The following IGFL1 variants were observed in gnomAD, a reference collection of about 807,000 sequenced individuals.
IGFL1 encodes the protein insulin growth factor-like family member 1.
Under a neutral mutation model 16.0 loss-of-function variants are expected in IGFL1, and 16 were observed. That is an observed-to-expected ratio of 1.00 (90% CI 0.68 to 1.52). The LOEUF is 1.52. Among genes scored for constraint, IGFL1 ranks in the 40% most tolerant of loss-of-function variants. The probability of loss-of-function intolerance (pLI) is 0.00; values close to 1 mark genes in which losing one functional copy is unlikely to be tolerated. For missense variants in IGFL1, 149 were observed against 141.7 expected, an observed-to-expected ratio of 1.05 and a Z score of -0.26; for synonymous variants, 59 against 54.0, an observed-to-expected ratio of 1.09 and a Z score of -0.41.
chr19:46,231,002 G>A lies in IGFL1; in HGVS notation c.*172G>A. On this transcript the variant is annotated 3_prime_UTR_variant, in exon 4 of 4. Coordinates refer to ENST00000437936, the MANE Select transcript of IGFL1 (RefSeq NM_198541.2). ...CCTGTCTGAGGCCCACCCTGCAGCT[G>A]CCCTGAGGAGGCCCACAGGTCCCCT... The A allele has an allele frequency of 2.9e-6, 2 of 694,410 alleles. No individual in the cohort carries two copies. Among genetic ancestry groups the A allele is most frequent in the South Asian group, 3.3e-5 (2 of 60,390 alleles). 43.0% of individuals were successfully genotyped at this position (694,410 alleles called of 1,614,324 possible).
At position 46,230,479 on chromosome 19, in the gene IGFL1, C is replaced by T. The variant is rs370059487; in HGVS notation, c.285C>T (p.Cys95=). The T allele has an allele frequency of 2.2e-5, 36 of 1,614,012 alleles. No individual in the cohort carries two copies. The highest frequency in any genetic ancestry group is 1.6e-4 in the Middle Eastern group (1 of 6,062). Residue 95 remains cysteine (C), a synonymous_variant, in exon 3 of 4, where the codon TGC becomes TGT. Transcript: ENST00000437936. ...TFMVKLINQN[C]DSARTSDDRL... ...TGGTGAAGCTGATAAACCAGAACTG[C>T]GACTCAGCCCGGACCTCGGATGACA...
chr19:46,229,905 C>T (rs969677228), intron 1 of IGFL1, 106 bp downstream of exon 1: 13 of 1,369,046 alleles, frequency 9.5e-6, no homozygotes, highest in Non-Finnish European at 1.3e-5. Flanking sequence ...TTCCCATGCC[C>T]AGCCAAATCT....
At position 46,230,506 on chromosome 19, in the gene IGFL1, G is replaced by T. The variant is rs1316198007; in HGVS notation, c.312G>T (p.Arg104Ser). ...ACTCAGCCCGGACCTCGGATGACAG[G>T]CTTTGTCGCAGGTGAGTCCTGTCCC... is the stretch of plus-strand genomic sequence containing the variant. ...NCDSARTSDD[R>S]LCRSVS The change falls in exon 3 of 4, where the codon AGG becomes AGT. Residue 104 changes from arginine to serine, a missense_variant. Arg to Ser is a moderately radical substitution (Grantham distance 110). Transcript: ENST00000437936. The T allele has an allele frequency of 6.2e-7, 1 of 1,613,874 alleles. No individual in the cohort carries two copies. Among genetic ancestry groups the T allele is most frequent in the South Asian group, 1.1e-5 (1 of 91,074 alleles).
intron 1 of IGFL1, 145 bp from the exon 2 acceptor site, chr19:46,229,963 C>G: frequency 8.3e-7 from 1 of 1,203,918 alleles, no homozygotes; most frequent in Non-Finnish European, 1.2e-6. Flanking sequence ...GTGCCCAGAT[C>G]AGCCCCATCC....
chr19:46,229,870 T>C lies in IGFL1; in HGVS notation c.25+71T>C. On this transcript the variant is annotated intron_variant, in intron 1 of 3. Transcript: ENST00000437936. ...TCAGCCACCACCAGGGCTCTCTCCC[T>C]ACCCCAAACTACACCTCATCCCTGT... 3.3e-6 allele frequency: 5 copies of C among 1,495,676 alleles called. No individual in the cohort carries two copies. The South Asian group carries it at 6.0e-5, about 18-fold the overall frequency. 92.7% of individuals were successfully genotyped at this position (1,495,676 alleles called of 1,614,324 possible). A position where few individuals can be genotyped will look rare whatever the true frequency, so the allele number is the denominator to read the frequency against.
chr19:46,230,377 G>T lies in IGFL1; in HGVS notation c.183G>T (p.Val61=), dbSNP rs752917913. ...ACTGTTGCTATGATGATGCCGTCGT[G>T]CCCTTGGCCAGGACCCAGACGTGTG... ...LQHCCYDDAV[V]PLARTQTCGN... Residue 61 remains valine, a synonymous_variant, in exon 3 of 4, where the codon GTG becomes GTT. Coordinates refer to ENST00000437936, the MANE Select transcript of IGFL1 (RefSeq NM_198541.2). The T allele has an allele frequency of 6.2e-7, 1 of 1,613,986 alleles. No individual in the cohort carries two copies. The highest frequency in any genetic ancestry group is 1.1e-5 in the South Asian group (1 of 91,084).
Position 46,230,522 on chromosome 19 carries a change from G to C in IGFL1, c.323+5G>C. The C allele has an allele frequency of 6.2e-7, 1 of 1,613,146 alleles. No homozygotes were observed. The highest frequency in any genetic ancestry group is 2.2e-5 in the East Asian group (1 of 44,864). ...GGATGACAGGCTTTGTCGCAGGTGA[G>C]TCCTGTCCCCTCCGTGGGATTGTGG... On this transcript the variant is annotated splice_donor_5th_base_variant and intron_variant, in intron 3 of 3. Transcript: ENST00000437936.
chr19:46,230,753 G>A, intron 3 of IGFL1, 68 bp from the exon 4 acceptor site: 1 of 1,558,686 alleles, frequency 6.4e-7, no homozygotes, highest in Non-Finnish European at 8.8e-7. Context: ...TTCTGCCCAT[G>A]TTCAGTCTCG....
chr19:46,231,147 C>T lies in IGFL1; in HGVS notation c.*317C>T. ...ACCACCCCAAGGCTGGCTGGGGAAC[C>T]CTTCACCCTTCTGTGAGATTTTCCA... On this transcript the variant is annotated 3_prime_UTR_variant, in exon 4 of 4. Coordinates refer to ENST00000437936, the MANE Select transcript of IGFL1 (RefSeq NM_198541.2). The T allele has an allele frequency of 2.1e-6, 1 of 476,250 alleles. No homozygotes were observed. Among genetic ancestry groups the T allele is most frequent in the Non-Finnish European group, 3.8e-6 (1 of 261,628 alleles). The allele number at this position is 476,250 out of a possible 1,614,324, so 29.5% of individuals were successfully genotyped here.
At chr19:46,229,918 A>G in intron 1 of IGFL1, 119 bp downstream of exon 1, 2 of 1,302,802 alleles carry the variant, frequency 1.5e-6, no homozygotes, top group Non-Finnish European at 2.2e-6. Context: ...CCAAATCTCC[A>G]GGCGTGAATT....
rs754018430 is a variant in IGFL1, at chr19:46,230,489, C to T, written c.295C>T (p.Arg99Trp). ...KLINQNCDSA[R>W]TSDDRLCRSV... ...GATAAACCAGAACTGCGACTCAGCCCGGACCTCGGATGACAGGCTTTGTCG... is the reference window on the plus strand; with the variant it reads ...GATAAACCAGAACTGCGACTCAGCCTGGACCTCGGATGACAGGCTTTGTCG... Residue 99 changes from arginine to tryptophan, a missense_variant, in exon 3 of 4, where the codon CGG becomes TGG. Transcript: ENST00000437936. 54 of 1,613,856 alleles carry T rather than the reference C, an allele frequency of 3.3e-5. No individual in the cohort carries two copies. Among genetic ancestry groups the T allele is most frequent in the South Asian group, 1.1e-4 (10 of 91,084 alleles).
rs760931842 is a variant in IGFL1 at position 46,230,480 on chromosome 19, G to A, written c.286G>A (p.Asp96Asn). 5.0e-6 allele frequency: 8 copies of A among 1,613,870 alleles called. No individual in the cohort carries two copies. In the Admixed American group the frequency reaches 5.0e-5, roughly 10 times the overall value. ...FMVKLINQNC[D>N]SARTSDDRLC... ...GGTGAAGCTGATAAACCAGAACTGC[G>A]ACTCAGCCCGGACCTCGGATGACAG... The change falls in exon 3 of 4, where the codon GAC becomes AAC. Residue 96 changes from aspartate to asparagine, a missense_variant. Asp to Asn is a conservative substitution (Grantham distance 23). Transcript: ENST00000437936.
chr19:46,230,188 G>A, intron 2 of IGFL1, 27 bp downstream of exon 2: 2 of 1,613,846 alleles, frequency 1.2e-6, no homozygotes, highest in Non-Finnish European at 8.5e-7. Context: ...TTGGGAAGCT[G>A]GAGGAGGGGT....
rs752697487 is a variant in IGFL1, at chr19:46,230,817, C to T, written c.324-4C>T. 4.3e-6 allele frequency: 7 copies of T among 1,611,878 alleles called. No individual in the cohort carries two copies. On this transcript the variant is annotated splice_polypyrimidine_tract_variant and splice_region_variant and intron_variant, in intron 3 of 3. Coordinates refer to ENST00000437936, the MANE Select transcript of IGFL1 (RefSeq NM_198541.2). ...TCAGTGTCTCTCTCTGTCACTATCT[C>T]CAGTGTCAGCTAATGGAACATCAGG...
chr19:46,230,905 G>C lies in IGFL1; in HGVS notation c.*75G>C. The C allele has an allele frequency of 7.0e-7, 1 of 1,431,948 alleles. No individual in the cohort carries two copies. Among genetic ancestry groups the C allele is most frequent in the South Asian group, 1.2e-5 (1 of 82,796 alleles). The allele number at this position is 1,431,948 out of a possible 1,614,324, so 88.7% of individuals were successfully genotyped here. A position where few individuals can be genotyped will look rare whatever the true frequency, so the allele number is the denominator to read the frequency against. On this transcript the variant is annotated 3_prime_UTR_variant, in exon 4 of 4. Transcript: ENST00000437936. Reference sequence around the variant, plus strand: ...CTGGAGAAAGAGGCTGGTGTTACCTGAGATCTGGGATGCTGAGTGGCTGTT... The same window carrying C: ...CTGGAGAAAGAGGCTGGTGTTACCTCAGATCTGGGATGCTGAGTGGCTGTT...
At position 46,230,118 on chromosome 19, in the gene IGFL1, C is replaced by T. The variant is rs1329027194; in HGVS notation, c.36C>T (p.Ala12=). The T allele has an allele frequency of 1.7e-5, 27 of 1,613,620 alleles. No individual in the cohort carries two copies. Among genetic ancestry groups the T allele is most frequent in the Non-Finnish European group, 2.3e-5 (27 of 1,179,880 alleles). ...APRGCIVAVF[A]IFCISRLLCS... is the part of the protein sequence containing the mutation. ...TTCCCTTTCCCACAGCTGTCTTTGC[C>T]ATTTTCTGCATCTCCAGGCTCCTCT... Residue 12 remains alanine (A), a synonymous_variant, in exon 2 of 4, where the codon GCC becomes GCT. Coordinates refer to ENST00000437936, the MANE Select transcript of IGFL1 (RefSeq NM_198541.2).
intron 3 of IGFL1, 86 bp downstream of exon 3, chr19:46,230,603 C>A: frequency 6.4e-7 from 1 of 1,559,304 alleles, no homozygotes; most frequent in Non-Finnish European, 8.7e-7. Context: ...TTCTCCTTGT[C>A]TCCCTGTCTC....
In IGFL1 at chr19:46,230,136, GCTC is replaced by G; in HGVS notation, c.58_60del (p.Leu20del). 1 of 1,613,754 alleles carries G rather than the reference GCTC, an allele frequency of 6.2e-7. No homozygotes were observed. The highest frequency in any genetic ancestry group is 1.1e-5 in the South Asian group (1 of 91,072). On this transcript the variant is annotated inframe_deletion, in exon 2 of 4. Coordinates refer to ENST00000437936, the MANE Select transcript of IGFL1 (RefSeq NM_198541.2). ...TCTTTGCCATTTTCTGCATCTCCAG[GCTC>G]CTCTGCTCACACGGAGCCCCAGGTG...
At chr19:46,230,720 C>A in intron 3 of IGFL1, 101 bp from the exon 4 acceptor site, 1 of 1,436,100 alleles carries the variant, frequency 7.0e-7, no homozygotes, top group Non-Finnish European at 9.7e-7. Flanking sequence ...GCTGTCCTCT[C>A]CTCCTGGCTC....
Sources: allele counts gnomAD v4.1 joint callset, GRCh38; gene constraint gnomAD v4.1.1; transcripts MANE v1.5; gene names NCBI Gene and HGNC (gene_info 2026-07-23, HGNC 2026-07-21).